The following PARD3B variants were observed in gnomAD, a reference collection of about 807,000 sequenced individuals.
PARD3B encodes par-3 family cell polarity regulator beta, also known as partitioning defective 3 homolog B.
A neutral mutation model predicts 130.2 loss-of-function variants in PARD3B; 103 were observed. The ratio of observed to expected loss-of-function variants is 0.79; its 90% CI spans 0.67 to 0.93. The LOEUF (loss-of-function observed/expected upper bound fraction) is 0.93. Ranked by LOEUF, PARD3B falls within the 40% of genes least tolerant of loss-of-function variation. PARD3B has a pLI of 0.00. For synonymous variants in PARD3B, 583 were observed against 553.2 expected, an observed-to-expected ratio of 1.05 and a Z score of -0.76; for missense variants, 1,609 against 1,499.2, an observed-to-expected ratio of 1.07 and a Z score of -1.21.
intron 2 of PARD3B, among the ~76,000 whole-genome samples, chr2:204,706,248 T>G (rs538887260): frequency 1.1e-3 from 172 of 151,856 alleles, no homozygotes; most frequent in African/African-American, 4.0e-3. Flanking sequence ...GTGCCTGTAG[T>G]CCCAGCCACT....
intron 15 of PARD3B, among the ~76,000 whole-genome samples, chr2:205,224,958 A>C (rs1298105783): frequency 6.6e-6 from 1 of 152,114 alleles, no homozygotes; most frequent in Non-Finnish European, 1.5e-5. Flanking sequence ...TCTAGGGTAC[A>C]TGTAGTACCT....
chr2:204,814,361 C>A (rs1175475199), intron 2 of PARD3B, among the ~76,000 whole-genome samples: 12 of 151,344 alleles, frequency 7.9e-5, no homozygotes, highest in Admixed American at 7.9e-4. Context: ...ATATCATGTA[C>A]AATTATATAT....
At chr2:204,680,937 G>T (rs2036798242) in intron 1 of PARD3B, among the ~76,000 whole-genome samples, 1 of 152,094 alleles carries the variant, frequency 6.6e-6, no homozygotes, top group Non-Finnish European at 1.5e-5. Flanking sequence ...GTGTGTGTGT[G>T]TGCAAATATA....
chr2:205,101,685 A>T (rs1331962184), intron 4 of PARD3B, among the ~76,000 whole-genome samples: 4 of 152,216 alleles, frequency 2.6e-5, no homozygotes, highest in East Asian at 1.9e-4. Context: ...ATAAAGTGGA[A>T]TATTGTTGGG....
At chr2:205,254,282 C>T (rs1184061961) in intron 16 of PARD3B, among the ~76,000 whole-genome samples, 2 of 151,384 alleles carry the variant, frequency 1.3e-5, no homozygotes, top group Non-Finnish European at 2.9e-5. Context: ...AAATCGTAGC[C>T]GACACCTCAT....
chr2:205,477,565 G>A (rs2049068594), intron 20 of PARD3B, among the ~76,000 whole-genome samples: 1 of 151,810 alleles, frequency 6.6e-6, no homozygotes, highest in South Asian at 2.1e-4. Context: ...GTAAACAGAC[G>A]TCTGTCCTTG....
At chr2:205,515,161 A>C (rs1372779606) in intron 21 of PARD3B, among the ~76,000 whole-genome samples, 2 of 142,200 alleles carry the variant, frequency 1.4e-5, no homozygotes, top group African/African-American at 5.1e-5. Flanking sequence ...TTGTTTGCAC[A>C]AAAGACATGA....
At chr2:205,494,076 T>A (rs1000324678) in intron 20 of PARD3B, among the ~76,000 whole-genome samples, 1 of 152,120 alleles carries the variant, frequency 6.6e-6, no homozygotes, top group African/African-American at 2.4e-5. Flanking sequence ...AGACCATTTC[T>A]TAACTGCATC....
At chr2:205,310,862 T>TA (rs1300873853) in intron 18 of PARD3B, among the ~76,000 whole-genome samples, 1 of 151,680 alleles carries the variant, frequency 6.6e-6, no homozygotes, top group African/African-American at 2.4e-5. Context: ...TAGCTGGGGT[T>TA]ACAGGTGCCT....
intron 1 of PARD3B, among the ~76,000 whole-genome samples, chr2:204,644,188 C>A (rs2035191081): frequency 6.6e-6 from 1 of 151,960 alleles, no homozygotes; most frequent in South Asian, 2.1e-4. Context: ...CCATGTTACA[C>A]CTCCTCTAAA....
chr2:205,092,988 T>C (rs1357174444), intron 4 of PARD3B, among the ~76,000 whole-genome samples: 1 of 152,198 alleles, frequency 6.6e-6, no homozygotes, highest in East Asian at 1.9e-4. Flanking sequence ...CATTCTCTTT[T>C]ACTTCAATTA....
In PARD3B at chr2:205,125,772, A is replaced by G. The variant is rs1396321813; in HGVS notation, c.1434+35A>G. On this transcript the variant is annotated intron_variant, in intron 10 of 22. Coordinates refer to ENST00000406610, the MANE Select transcript of PARD3B (RefSeq NM_001302769.2). This position sits in a 1 kb window ranked among gnomAD's most constrained non-coding sequence, Gnocchi z 4.0. ...AGATCTCAGTCTCACTGAATTTTTA[A>G]TGCCGAGCTTAATACACTCAATGAA... 1.2e-6 allele frequency: 2 copies of G among 1,611,410 alleles called. No individual in the cohort carries two copies. Among genetic ancestry groups the G allele is most frequent in the South Asian group, 1.1e-5 (1 of 90,750 alleles).
At chr2:205,006,475 T>A (rs183247645) in intron 3 of PARD3B, among the ~76,000 whole-genome samples, 318 of 152,276 alleles carry the variant, frequency 2.1e-3, no homozygotes, top group Non-Finnish European at 2.9e-3. Context: ...ACATCTATTG[T>A]TTTTTGACTT....
At chr2:205,316,431 G>A (rs76461977) in intron 18 of PARD3B, among the ~76,000 whole-genome samples, 2,796 of 152,096 alleles carry the variant, frequency 0.018, 74 homozygotes, top group African/African-American at 0.064. Context: ...CCTCCCTGAA[G>A]TACTTTAAAA....
rs550782848 is a variant in PARD3B, at chr2:204,570,799, T to G, written c.120+24680T>G. ...ACTGAGGTGTATAAGCTGTTGTAAC[T>G]GAGGTGTATAAGCTGTTGTAACTGA... On this transcript the variant is annotated intron_variant, in intron 1 of 22. Transcript: ENST00000406610. Among the ~76,000 whole-genome samples, 1,396 of 149,164 alleles carry G rather than the reference T, an allele frequency of 9.4e-3. 12 individuals carry two copies. The highest frequency in any genetic ancestry group is 0.033 in the African/African-American group (1,310 of 40,280).
chr2:205,214,207 G>A (rs1473801329), intron 15 of PARD3B, among the ~76,000 whole-genome samples: 3 of 151,952 alleles, frequency 2.0e-5, no homozygotes, highest in East Asian at 3.9e-4. Flanking sequence ...AAAAAAATTT[G>A]TGTGCTTCTT....
rs2030715116 is a variant in PARD3B, at chr2:205,121,540, A to T, written c.807-51A>T. 1 of 1,515,810 alleles carries T rather than the reference A, an allele frequency of 6.6e-7. No homozygotes were observed. Among genetic ancestry groups the T allele is most frequent in the Admixed American group, 1.7e-5 (1 of 57,924 alleles). The allele number at this position is 1,515,810 out of a possible 1,614,324, so 93.9% of individuals were successfully genotyped here. On this transcript the variant is annotated intron_variant, in intron 7 of 22. Transcript: ENST00000406610. This position sits in a 1 kb window ranked among gnomAD's most constrained non-coding sequence, Gnocchi z 5.0. ...CCATCCTCCTGGGGTACTTTAGAAG[A>T]TGCTGCACCTCAAAGCAGGGTCATC...
chr2:205,144,844 G>C (rs2033233387), intron 10 of PARD3B, among the ~76,000 whole-genome samples: 1 of 152,168 alleles, frequency 6.6e-6, no homozygotes, highest in East Asian at 1.9e-4. Flanking sequence ...TCAAACGTGA[G>C]AGAAAAGGAT....
chr2:204,994,021 A>G (rs1433124348), intron 3 of PARD3B, among the ~76,000 whole-genome samples: 4 of 150,888 alleles, frequency 2.7e-5, no homozygotes, highest in African/African-American at 4.9e-5. Flanking sequence ...TGATCCTTTC[A>G]AAAAACCAGC....
Sources: allele counts gnomAD v4.1 joint callset (sites outside exome capture counted in the v4.1 genomes callset), GRCh38; gene constraint gnomAD v4.1.1; non-coding constraint Gnocchi (gnomAD v3.1); transcripts MANE v1.5; gene names NCBI Gene and HGNC (gene_info 2026-07-23, HGNC 2026-07-21).